Variants in CNTNAP2 observed in about 807,000 individuals in gnomAD.
CNTNAP2 encodes contactin-associated protein-like 2.
In CNTNAP2, 98 loss-of-function variants were observed where a neutral mutation model predicts 155.2. The ratio of observed to expected loss-of-function variants is 0.63; its 90% CI spans 0.54 to 0.75. CNTNAP2 has a LOEUF of 0.75. CNTNAP2 is among the 30% of genes least tolerant of loss of function. The probability of loss-of-function intolerance (pLI) is 0.00; values close to 1 mark genes in which losing one functional copy is unlikely to be tolerated. For missense variants in CNTNAP2, 1,727 were observed against 1,688.1 expected (o/e 1.02, Z -0.40); for synonymous variants, 651 against 631.2 (o/e 1.03, Z -0.47).
chr7:147,863,979 G>A (rs1196950973), intron 13 of CNTNAP2, among the ~76,000 whole-genome samples: 8 of 152,080 alleles, frequency 5.3e-5, no homozygotes, highest in African/African-American at 1.9e-4. Context: ...TGCTTTTGGT[G>A]TTTTAGACAT....
intron 21 of CNTNAP2, among the ~76,000 whole-genome samples, chr7:148,344,413 T>C (rs1235584699): frequency 1.3e-5 from 2 of 152,182 alleles, no homozygotes; most frequent in East Asian, 3.8e-4. Context: ...TCAGAGTCCT[T>C]CTCCAATCAC....
At chr7:146,283,623 G>C (rs150948067) in intron 1 of CNTNAP2, among the ~76,000 whole-genome samples, 2 of 152,158 alleles carry the variant, frequency 1.3e-5, no homozygotes, top group Non-Finnish European at 2.9e-5. Flanking sequence ...TCAAAGTAAA[G>C]GTGCTAGCAG....
At chr7:147,990,811 CA>C (rs1230468225) in intron 15 of CNTNAP2, among the ~76,000 whole-genome samples, 1 of 152,090 alleles carries the variant, frequency 6.6e-6, no homozygotes, top group Non-Finnish European at 1.5e-5. Context: ...TTTGGGTGTT[CA>C]ATGATTTATT....
chr7:146,965,767 G>C (rs1584753572), intron 3 of CNTNAP2, among the ~76,000 whole-genome samples: 1 of 152,156 alleles, frequency 6.6e-6, no homozygotes, highest in East Asian at 1.9e-4. Flanking sequence ...TTTATTCAGA[G>C]GGATAATGAC....
At chr7:147,380,757 C>T (rs1796521609) in intron 9 of CNTNAP2, among the ~76,000 whole-genome samples, 1 of 152,068 alleles carries the variant, frequency 6.6e-6, no homozygotes, top group African/African-American at 2.4e-5. Flanking sequence ...TAGAAGCATT[C>T]CAAAGCTAAA....
chr7:146,772,722 A>G (rs1288450268), intron 1 of CNTNAP2, among the ~76,000 whole-genome samples: 1 of 152,018 alleles, frequency 6.6e-6, no homozygotes, highest in Non-Finnish European at 1.5e-5. Context: ...CTAGACAGGA[A>G]TAGACAAGAA....
chr7:146,747,030 A>G (rs1161042188), intron 1 of CNTNAP2, among the ~76,000 whole-genome samples: 2 of 152,146 alleles, frequency 1.3e-5, no homozygotes, highest in Non-Finnish European at 2.9e-5. Flanking sequence ...ATTCTTAAGG[A>G]ATATGTTTAA....
chr7:147,689,365 G>A lies in CNTNAP2; in HGVS notation c.2098+50059G>A, dbSNP rs76189595. Among the ~76,000 whole-genome samples, 1,041 of 152,024 alleles carry A rather than the reference G, an allele frequency of 6.8e-3. 11 individuals are homozygous for A. Among genetic ancestry groups the A allele is most frequent in the African/African-American group, 0.024 (983 of 41,492 alleles). On this transcript the variant is annotated intron_variant, in intron 13 of 23. Coordinates refer to ENST00000361727, the MANE Select transcript of CNTNAP2 (RefSeq NM_014141.6). ...GGGTTTCACCAAGTTGGCCAGGCTT[G>A]TTTGAACTCCTGACCTCAAGTGATC...
chr7:146,537,554 A>G (rs1045079302), intron 1 of CNTNAP2, among the ~76,000 whole-genome samples: 1 of 152,126 alleles, frequency 6.6e-6, no homozygotes, highest in African/African-American at 2.4e-5. Flanking sequence ...GGTGAACGCC[A>G]AGGAGACAAC....
chr7:148,247,650 TATTTA>T (rs1563010596), intron 20 of CNTNAP2, among the ~76,000 whole-genome samples: 22 of 144,708 alleles, frequency 1.5e-4, no homozygotes, highest in African/African-American at 2.4e-4. Context: ...TTTATTTATT[TATTTA>T]TTTATTTATT....
rs183131345 is a variant in CNTNAP2 at position 146,242,266 on chromosome 7, G to A, written c.97+125293G>A. The stretch of plus-strand genomic sequence containing the variant: ...TGAGAAAAAATAAAACAGGCCGGGC[G>A]CCGTGGCTCACACCTGTAATCCCAG... On this transcript the variant is annotated intron_variant, in intron 1 of 23. Transcript: ENST00000361727. Among the ~76,000 whole-genome samples, 70 of 152,222 alleles carry A rather than the reference G, an allele frequency of 4.6e-4. 1 individual carries two copies. Among genetic ancestry groups the A allele is most frequent in the Admixed American group, 3.9e-3 (59 of 15,286 alleles).
At chr7:147,882,588 C>T (rs748744599) in intron 13 of CNTNAP2, among the ~76,000 whole-genome samples, 3 of 152,146 alleles carry the variant, frequency 2.0e-5, no homozygotes, top group Non-Finnish European at 4.4e-5. Context: ...CTAGTGGGAC[C>T]AGAGTGGAGG....
At chr7:146,877,052 A>G (rs1795443512) in intron 3 of CNTNAP2, among the ~76,000 whole-genome samples, 1 of 152,184 alleles carries the variant, frequency 6.6e-6, no homozygotes, top group African/African-American at 2.4e-5. Context: ...CTTAATGGTT[A>G]TTTTGACTAT....
At chr7:148,195,017 A>G (rs1284012682) in intron 18 of CNTNAP2, among the ~76,000 whole-genome samples, 1 of 152,212 alleles carries the variant, frequency 6.6e-6, no homozygotes, top group African/African-American at 2.4e-5. Context: ...GAGCATATAT[A>G]TGATCAGCAC....
intron 1 of CNTNAP2, among the ~76,000 whole-genome samples, chr7:146,495,072 C>T (rs1304043572): frequency 6.6e-6 from 1 of 152,168 alleles, no homozygotes; most frequent in Non-Finnish European, 1.5e-5. Flanking sequence ...GCGCTTTGGG[C>T]AATGTAGAAA....
rs142592971 is a variant in CNTNAP2, at chr7:147,798,517, T to C, written c.2099-105048T>C. Among the ~76,000 whole-genome samples, 107 of 152,336 alleles carry C rather than the reference T, an allele frequency of 7.0e-4. 1 individual carries two copies. The East Asian group carries it at 0.017, about 25-fold the overall frequency. On this transcript the variant is annotated intron_variant, in intron 13 of 23. Coordinates refer to ENST00000361727, the MANE Select transcript of CNTNAP2 (RefSeq NM_014141.6). Reference sequence around the variant, plus strand: ...TGTCCTGTACGTAATGGCTTCATCCTTGCACTGGAAGTGAGATGGCTGTGT... The same window carrying C: ...TGTCCTGTACGTAATGGCTTCATCCCTGCACTGGAAGTGAGATGGCTGTGT...
intron 10 of CNTNAP2, among the ~76,000 whole-genome samples, chr7:147,399,623 G>C (rs956949218): frequency 6.6e-6 from 1 of 152,154 alleles, no homozygotes; most frequent in Non-Finnish European, 1.5e-5. Context: ...TAAAGAAAAA[G>C]TCAGAAATTC....
intron 17 of CNTNAP2, among the ~76,000 whole-genome samples, chr7:148,165,644 A>G (rs1003111093): frequency 2.6e-5 from 4 of 152,110 alleles, no homozygotes; most frequent in African/African-American, 7.2e-5. Flanking sequence ...ACATAAGGAG[A>G]CTGAGGCCCA....
chr7:146,294,192 T>A (rs1319777935), intron 1 of CNTNAP2, among the ~76,000 whole-genome samples: 1 of 152,250 alleles, frequency 6.6e-6, no homozygotes, highest in Non-Finnish European at 1.5e-5. Context: ...GTAAATTTAG[T>A]GCCTTAAGCA....
Sources: allele counts gnomAD v4.1 joint callset (sites outside exome capture counted in the v4.1 genomes callset), GRCh38; gene constraint gnomAD v4.1.1; transcripts MANE v1.5; gene names NCBI Gene and HGNC (gene_info 2026-07-23, HGNC 2026-07-21).